The following SGCG variants were observed in gnomAD, a reference collection of about 807,000 sequenced individuals.
SGCG encodes sarcoglycan gamma.
A neutral mutation model predicts 29.3 loss-of-function variants in SGCG; 26 were observed. The ratio of observed to expected loss-of-function variants is 0.89; its 90% CI spans 0.65 to 1.23. SGCG has a LOEUF of 1.23. Ranked by LOEUF, SGCG falls within the 50% of genes most tolerant of loss-of-function variation. SGCG has a pLI of 0.00. For synonymous variants in SGCG, 145 were observed against 129.7 expected, an observed-to-expected ratio of 1.12 and a Z score of -0.80; for missense variants, 353 against 356.0, an observed-to-expected ratio of 0.99 and a Z score of 0.07.
In SGCG at chr13:23,279,309, G is replaced by A. The variant is rs1881211246; in HGVS notation, c.386-50G>A. 5 of 1,580,518 alleles carry A rather than the reference G, an allele frequency of 3.2e-6. No homozygotes were observed. In the East Asian group the frequency reaches 1.1e-4, roughly 36 times the overall value. ...GTGGCATGTGTAAAAATAGAGATTT[G>A]GACACTGCTTGTAGTGAACAGTTTA... On this transcript the variant is annotated intron_variant, in intron 4 of 7. Transcript: ENST00000218867.
intron 1 of SGCG, among the ~76,000 whole-genome samples, chr13:23,192,543 G>A (rs1455800363): frequency 1.3e-5 from 2 of 151,940 alleles, no homozygotes; most frequent in African/African-American, 4.8e-5. Flanking sequence ...ACAGGCGCCT[G>A]CCACCACGCC....
chr13:23,239,834 C>T (rs1463404655), intron 3 of SGCG, among the ~76,000 whole-genome samples: 1 of 151,984 alleles, frequency 6.6e-6, no homozygotes, highest in African/African-American at 2.4e-5. Flanking sequence ...ATAGCTAATA[C>T]ATCAACTAAG....
In SGCG at chr13:23,213,683, A is replaced by T. The variant is rs536321674; in HGVS notation, c.195+9794A>T. Reference sequence around the variant, plus strand: ...CAGATTGGACAGATTTTATTTTTTTAAAAAACTTACTGTGATAGTTATTTG... The same window carrying T: ...CAGATTGGACAGATTTTATTTTTTTTAAAAACTTACTGTGATAGTTATTTG... On this transcript the variant is annotated intron_variant, in intron 2 of 7. Coordinates refer to ENST00000218867, the MANE Select transcript of SGCG (RefSeq NM_000231.3). Among the ~76,000 whole-genome samples the T allele has an allele frequency of 1.5e-4, 23 of 152,344 alleles. No individual in the cohort carries two copies. The East Asian group carries it at 3.1e-3, about 20-fold the overall frequency.
At chr13:23,310,088 T>C in intron 6 of SGCG, among the ~76,000 whole-genome samples, 1 of 137,338 alleles carries the variant, frequency 7.3e-6, no homozygotes, top group Non-Finnish European at 1.6e-5. Flanking sequence ...CTTTTTTTTT[T>C]TTTTTTTTTT....
At chr13:23,186,147 G>A (rs1269087354) in intron 1 of SGCG, among the ~76,000 whole-genome samples, 2 of 152,186 alleles carry the variant, frequency 1.3e-5, no homozygotes, top group African/African-American at 4.8e-5. Context: ...CACCCTGGCT[G>A]GTCTGAGTAG....
chr13:23,257,867 C>A (rs574316129), intron 4 of SGCG, among the ~76,000 whole-genome samples: 1 of 152,070 alleles, frequency 6.6e-6, no homozygotes, highest in East Asian at 1.9e-4. Context: ...AGATAAGCGG[C>A]GTTATTTCTG....
chr13:23,306,254 G>T (rs1882357346), intron 6 of SGCG, among the ~76,000 whole-genome samples: 1 of 152,158 alleles, frequency 6.6e-6, no homozygotes, highest in Non-Finnish European at 1.5e-5. Context: ...GGAATAATTT[G>T]TGGAGTATTG....
intron 4 of SGCG, among the ~76,000 whole-genome samples, chr13:23,267,332 T>C (rs1880677903): frequency 6.6e-6 from 1 of 152,162 alleles, no homozygotes; most frequent in Non-Finnish European, 1.5e-5. Flanking sequence ...AGGAGCATGG[T>C]CACTACAGAC....
chr13:23,269,808 C>T (rs1411429064), intron 4 of SGCG, among the ~76,000 whole-genome samples: 1 of 150,634 alleles, frequency 6.6e-6, no homozygotes, highest in East Asian at 1.9e-4. Context: ...GCAGTTATGT[C>T]ACAAAGAGTA....
Position 23,228,544 on chromosome 13 carries a change from C to T in SGCG, c.196-6067C>T, listed in dbSNP as rs370262648. Among the ~76,000 whole-genome samples, 501 of 152,154 alleles carry T rather than the reference C, an allele frequency of 3.3e-3. 3 individuals carry two copies. Among genetic ancestry groups the T allele is most frequent in the African/African-American group, 0.011 (469 of 41,500 alleles). On this transcript the variant is annotated intron_variant, in intron 2 of 7. Transcript: ENST00000218867. ...TGGGCATTTGGTTTACAGATTATTT[C>T]GTCACCCAGGTACTAAGCACAGTAC...
At chr13:23,293,211 T>C (rs9510679) in intron 5 of SGCG, among the ~76,000 whole-genome samples, 16,938 of 152,276 alleles carry the variant, frequency 0.11, 1,250 homozygotes, top group Middle Eastern at 0.21. Flanking sequence ...GAAGATCTGT[T>C]TCTTATCTGA....
intron 2 of SGCG, among the ~76,000 whole-genome samples, chr13:23,210,615 C>T (rs771363365): frequency 6.6e-6 from 1 of 152,018 alleles, no homozygotes; most frequent in Non-Finnish European, 1.5e-5. Context: ...GCGGTGAACC[C>T]GGGAGGCGGA....
intron 4 of SGCG, among the ~76,000 whole-genome samples, chr13:23,273,954 A>C (rs1880965923): frequency 6.6e-6 from 1 of 152,118 alleles, no homozygotes; most frequent in Non-Finnish European, 1.5e-5. Context: ...CTTGTACTGA[A>C]AGTTGTGTAT....
At chr13:23,164,097 G>C in the SGCG span, among the ~76,000 whole-genome samples, 1 of 151,984 alleles carries the variant, frequency 6.6e-6, no homozygotes, top group African/African-American at 2.4e-5. Context: ...CCAGGTTTTT[G>C]TTTTCCTGTC....
chr13:23,247,560 C>T (rs1320265690), intron 3 of SGCG, among the ~76,000 whole-genome samples: 1 of 151,928 alleles, frequency 6.6e-6, no homozygotes, highest in Non-Finnish European at 1.5e-5. Flanking sequence ...ATAAAGTCAC[C>T]CTTCTACTTG....
intron 6 of SGCG, among the ~76,000 whole-genome samples, chr13:23,317,125 G>A (rs1450719940): frequency 6.6e-6 from 1 of 151,906 alleles, no homozygotes; most frequent in Admixed American, 6.6e-5. Flanking sequence ...AACCCAGGAG[G>A]CAGAGCTTGT....
At chr13:23,283,392 T>C (rs9580591) in intron 5 of SGCG, among the ~76,000 whole-genome samples, 2 of 151,936 alleles carry the variant, frequency 1.3e-5, no homozygotes, top group East Asian at 3.9e-4. Flanking sequence ...TGTCTTTTTT[T>C]ATCTTTGTTG....
chr13:23,172,580 G>T, the SGCG span, among the ~76,000 whole-genome samples: 4 of 152,156 alleles, frequency 2.6e-5, no homozygotes, highest in African/African-American at 9.7e-5. Context: ...ATATTATTGA[G>T]TATGTAGCTA....
At chr13:23,247,083 G>T in intron 3 of SGCG, 1 of 169,578 alleles carries the variant, frequency 5.9e-6, no homozygotes. Flanking sequence ...CCCAGGCCTG[G>T]CCCTGCATAC....
Sources: gnomAD v4.1 joint callset for allele counts (sites outside exome capture counted in the v4.1 genomes callset) on GRCh38, gnomAD v4.1.1 for gene constraint, MANE v1.5 for transcripts, NCBI Gene and HGNC (gene_info 2026-07-23, HGNC 2026-07-21) for gene names.